Variants in MYO16 observed in about 807,000 individuals in gnomAD.
The protein encoded by MYO16 is myosin XVI.
MYO16 carries 94 observed loss-of-function variants against 205.3 expected under a neutral mutation model. The observed-to-expected ratio is 0.46, with a 90% CI of 0.39 to 0.54. The LOEUF (loss-of-function observed/expected upper bound fraction) is 0.54, where lower values mean the gene tolerates loss of function less well. Among genes scored for constraint, MYO16 ranks in the 20% least tolerant of loss-of-function variants. MYO16 has a pLI of 0.00. For missense variants in MYO16, 2,315 were observed against 2,387.5 expected, an observed-to-expected ratio of 0.97 and a Z score of 0.63; for synonymous variants, 988 against 954.0, an observed-to-expected ratio of 1.04 and a Z score of -0.66.
At chr13:108,863,106 A>G (rs892004272) in intron 11 of MYO16, among the ~76,000 whole-genome samples, 3 of 152,162 alleles carry the variant, frequency 2.0e-5, no homozygotes, top group Non-Finnish European at 4.4e-5. Flanking sequence ...ATTAATTTAC[A>G]TAAACAGTCC....
Position 108,760,355 on chromosome 13 carries a change from T to C in MYO16, c.508-25280T>C, listed in dbSNP as rs756944675. ...TATCTTATTTCTACCACTAACCTTA[T>C]AGTCACATTGACAACACCATCACAT... On this transcript the variant is annotated intron_variant, in intron 4 of 34. Coordinates refer to ENST00000457511, the MANE Select transcript of MYO16 (RefSeq NM_001198950.3). Among the ~76,000 whole-genome samples, 25 of 150,462 alleles carry C rather than the reference T, an allele frequency of 1.7e-4. 1 individual carries two copies. The South Asian group carries it at 5.3e-3, about 32-fold the overall frequency.
intron 1 of MYO16, among the ~76,000 whole-genome samples, chr13:108,643,417 G>A (rs998531340): frequency 3.3e-5 from 5 of 152,156 alleles, no homozygotes; most frequent in African/African-American, 4.8e-5. Flanking sequence ...AAGACATTCC[G>A]GTTGATTGTA....
intron 22 of MYO16, among the ~76,000 whole-genome samples, chr13:109,015,941 G>GT (rs1012062552): frequency 2.6e-5 from 4 of 152,066 alleles, no homozygotes; most frequent in East Asian, 3.9e-4. Flanking sequence ...TTTTTGAAGG[G>GT]TTTTTTGTGT....
intron 4 of MYO16, among the ~76,000 whole-genome samples, chr13:108,759,057 AGTAATTTAT>A (rs1443300152): frequency 6.6e-6 from 1 of 152,146 alleles, no homozygotes; most frequent in Non-Finnish European, 1.5e-5. Context: ...TGAACTTTTC[AGTAATTTAT>A]GTTAGAAAGC....
chr13:108,715,962 A>C (rs144826555), intron 3 of MYO16, among the ~76,000 whole-genome samples: 5 of 151,952 alleles, frequency 3.3e-5, no homozygotes, highest in African/African-American at 1.2e-4. Flanking sequence ...ACTGTCTTGG[A>C]TACTTTTCTT....
At chr13:108,716,830 C>T (rs573170954) in intron 3 of MYO16, among the ~76,000 whole-genome samples, 1 of 152,154 alleles carries the variant, frequency 6.6e-6, no homozygotes, top group Non-Finnish European at 1.5e-5. Flanking sequence ...ATTTGAGAAA[C>T]ATATTTTAAT....
chr13:108,765,492 T>A (rs1885749847), intron 4 of MYO16, among the ~76,000 whole-genome samples: 2 of 152,218 alleles, frequency 1.3e-5, no homozygotes, highest in South Asian at 4.1e-4. Flanking sequence ...ATTTTGTTTC[T>A]AGATACAGTA....
intron 4 of MYO16, among the ~76,000 whole-genome samples, chr13:108,764,978 C>T (rs958019787): frequency 6.6e-6 from 1 of 152,072 alleles, no homozygotes; most frequent in Non-Finnish European, 1.5e-5. Context: ...ATGTTTATTG[C>T]AGAAAATTGA....
intron 23 of MYO16, among the ~76,000 whole-genome samples, chr13:109,024,331 T>C (rs957742688): frequency 6.6e-6 from 1 of 151,992 alleles, no homozygotes; most frequent in Non-Finnish European, 1.5e-5. Flanking sequence ...TGGAAGTGAC[T>C]GTAAGCGGAT....
At chr13:108,747,857 C>A (rs1374775436) in intron 4 of MYO16, among the ~76,000 whole-genome samples, 1 of 151,998 alleles carries the variant, frequency 6.6e-6, no homozygotes, top group Non-Finnish European at 1.5e-5. Flanking sequence ...CAATATTAAT[C>A]AAAAGACAGA....
chr13:108,711,032 A>G (rs555313661), intron 2 of MYO16, among the ~76,000 whole-genome samples: 55 of 152,374 alleles, frequency 3.6e-4, no homozygotes, highest in African/African-American at 1.3e-3. Flanking sequence ...AGTAGTGAGT[A>G]CATGAGTTTG....
intron 20 of MYO16, among the ~76,000 whole-genome samples, chr13:108,966,094 A>G (rs903040399): frequency 7.2e-5 from 11 of 152,210 alleles, no homozygotes; most frequent in African/African-American, 2.4e-4. Flanking sequence ...ATCCCACTGA[A>G]CATTGATCAA....
At chr13:108,727,711 C>A in intron 4 of MYO16, 128 bp downstream of exon 4, 3 of 988,236 alleles carry the variant, frequency 3.0e-6, no homozygotes, top group Non-Finnish European at 4.3e-6. Context: ...TATCATGTAT[C>A]TCCCTAGAAC....
chr13:108,650,099 C>A (rs1880932461), intron 1 of MYO16, among the ~76,000 whole-genome samples: 1 of 151,692 alleles, frequency 6.6e-6, no homozygotes, highest in South Asian at 2.1e-4. Context: ...TGTTTTATAT[C>A]AAAAAATTAA....
At chr13:109,173,947 T>TGGGG (rs1555338661) in intron 33 of MYO16, among the ~76,000 whole-genome samples, 11 of 115,182 alleles carry the variant, frequency 9.6e-5, no homozygotes, top group African/African-American at 3.8e-4. Context: ...CTTGTTTTGA[T>TGGGG]GGGGGGGGGT....
At chr13:108,815,874 A>C (rs567701398) in intron 7 of MYO16, among the ~76,000 whole-genome samples, 3 of 152,228 alleles carry the variant, frequency 2.0e-5, no homozygotes, top group African/African-American at 7.2e-5. Flanking sequence ...AAGACTTACT[A>C]TAAGTCTTCC....
At chr13:108,879,205 C>T (rs1299594219) in intron 12 of MYO16, among the ~76,000 whole-genome samples, 1 of 152,192 alleles carries the variant, frequency 6.6e-6, no homozygotes, top group African/African-American at 2.4e-5. Flanking sequence ...TGAAGACATA[C>T]AGTGTGTTCT....
chr13:108,685,109 A>G (rs1415104229), intron 2 of MYO16, among the ~76,000 whole-genome samples: 1 of 147,856 alleles, frequency 6.8e-6, no homozygotes, highest in East Asian at 2.0e-4. Flanking sequence ...TGCAACCTCC[A>G]CCTTCCGGGT....
intron 2 of MYO16, among the ~76,000 whole-genome samples, chr13:108,699,084 C>G (rs1436129573): frequency 7.2e-6 from 1 of 139,696 alleles, no homozygotes; most frequent in Non-Finnish European, 1.6e-5. Flanking sequence ...CTGTCTCTCT[C>G]TCTCTCTCTC....
Sources: gnomAD v4.1 joint callset for allele counts (sites outside exome capture counted in the v4.1 genomes callset) on GRCh38, gnomAD v4.1.1 for gene constraint, MANE v1.5 for transcripts, NCBI Gene and HGNC (gene_info 2026-07-23, HGNC 2026-07-21) for gene names.